The following EPS8 variants were observed in gnomAD, a reference collection of about 807,000 sequenced individuals.
EPS8 encodes the protein epidermal growth factor receptor kinase substrate 8.
Under a neutral mutation model 103.8 loss-of-function variants are expected in EPS8, and 42 were observed. That is an observed-to-expected ratio of 0.40 (90% CI 0.32 to 0.52). The LOEUF (loss-of-function observed/expected upper bound fraction) is 0.52. Among genes scored for constraint, EPS8 ranks in the 20% least tolerant of loss-of-function variants. The pLI is 0.40. For missense variants in EPS8, 969 were observed against 1,005.1 expected (o/e 0.96, Z 0.49); for synonymous variants, 344 against 344.6 (o/e 1.00, Z 0.02).
At chr12:15,680,778 G>A (rs1024390875) in intron 3 of EPS8, among the ~76,000 whole-genome samples, 1 of 151,890 alleles carries the variant, frequency 6.6e-6, no homozygotes, top group African/African-American at 2.4e-5. Flanking sequence ...GTAAGATCAG[G>A]GAAAAAGCAT....
Position 15,787,589 on chromosome 12 carries a change from G to T in EPS8, c.-22+1572C>A, listed in dbSNP as rs1285884993. Among the ~76,000 whole-genome samples, 2 of 152,134 alleles carry T rather than the reference G, an allele frequency of 1.3e-5. No homozygotes were observed. Among genetic ancestry groups the T allele is most frequent in the Non-Finnish European group, 2.9e-5 (2 of 68,000 alleles). On this transcript the variant is annotated intron_variant, in intron 1 of 20. Coordinates refer to ENST00000281172, the MANE Select transcript of EPS8 (RefSeq NM_004447.6). This position sits in a 1 kb window ranked among gnomAD's most constrained non-coding sequence, Gnocchi z 4.9. ...AAGTGAAAAAAATTACAAAGAGAATGCACCAAGTCTTGTAAACAGCGGTTA... is the reference window on the plus strand; with the variant it reads ...AAGTGAAAAAAATTACAAAGAGAATTCACCAAGTCTTGTAAACAGCGGTTA...
intron 7 of EPS8, 127 bp downstream of exon 7, chr12:15,666,313 G>A (rs539578857): frequency 1.9e-5 from 13 of 668,684 alleles, no homozygotes; most frequent in Admixed American, 6.4e-5. Flanking sequence ...AATGTGTTGA[G>A]ACTACAGGTT....
rs555433599 is a variant in EPS8 at position 15,688,806 on chromosome 12, CCT to C, written c.-21-5836_-21-5835del. 2.4e-4 allele frequency among the ~76,000 whole-genome samples: 37 copies of C among 152,274 alleles called. No individual in the cohort carries two copies. Among genetic ancestry groups the C allele is most frequent in the Middle Eastern group, 3.4e-3 (1 of 294 alleles). ...AATAACCCCAGGATACAGAAAACCCCCTGTCCTTGCAATAAGGTAGAGGATCT... is the reference window on the plus strand; with the variant it reads ...AATAACCCCAGGATACAGAAAACCCCGTCCTTGCAATAAGGTAGAGGATCT... On this transcript the variant is annotated intron_variant, in intron 1 of 20. Transcript: ENST00000281172. This position sits in a 1 kb window ranked among gnomAD's most constrained non-coding sequence, Gnocchi z 5.1.
At position 15,621,313 on chromosome 12, in the gene EPS8, C is replaced by A; in HGVS notation, c.*4G>T. The A allele has an allele frequency of 6.6e-7, 1 of 1,521,658 alleles. No homozygotes were observed. The highest frequency in any genetic ancestry group is 2.0e-5 in the Admixed American group (1 of 50,832). 94.3% of individuals were successfully genotyped at this position (1,521,658 alleles called of 1,614,324 possible). ...ACAATGGAGTTTAAATACAAACAAA[C>A]AAATTAGTGACTGCTTCCTTCATCA... On this transcript the variant is annotated 3_prime_UTR_variant, in exon 21 of 21. Transcript: ENST00000281172.
At chr12:15,676,729 G>A (rs1053267253) in intron 3 of EPS8, among the ~76,000 whole-genome samples, 67 of 152,312 alleles carry the variant, frequency 4.4e-4, no homozygotes, top group African/African-American at 1.5e-3. Flanking sequence ...AAATGTTACT[G>A]TTATAACTGG....
rs770899810 is a variant in EPS8, at chr12:15,733,967, TC to T, written c.-21-50996del. On this transcript the variant is annotated intron_variant, in intron 1 of 20. Transcript: ENST00000281172. The surrounding 1 kb of genome is among the most constrained non-coding windows in gnomAD (Gnocchi z 4.8). ...TTCACCTCCTGGACTCAAGTGATCC[TC>T]CCACCTCAGCCTCCCAAGTCAGTGA... Among the ~76,000 whole-genome samples the T allele has an allele frequency of 4.6e-4, 70 of 152,220 alleles. No homozygotes were observed. Among genetic ancestry groups the T allele is most frequent in the South Asian group, 1.0e-3 (5 of 4,802 alleles).
chr12:15,647,311 C>A (rs1945337267), intron 14 of EPS8, 51 bp from the exon 15 acceptor site: 3 of 1,542,070 alleles, frequency 1.9e-6, no homozygotes, highest in South Asian at 1.2e-5. Flanking sequence ...CTATTTGAAT[C>A]AGCACTCAGG....
intron 1 of EPS8, among the ~76,000 whole-genome samples, chr12:15,689,887 G>C (rs1276653479): frequency 6.6e-6 from 1 of 152,154 alleles, no homozygotes; most frequent in African/African-American, 2.4e-5. Context: ...GAAGGAGGTG[G>C]ACCAGGAGAA....
At chr12:15,737,575 T>C (rs553494342) in intron 1 of EPS8, among the ~76,000 whole-genome samples, 8 of 152,180 alleles carry the variant, frequency 5.3e-5, no homozygotes, top group Non-Finnish European at 8.8e-5. Flanking sequence ...GTTCTATTAT[T>C]ATCCTAAATT....
At chr12:15,707,469 C>T (rs1054500110) in intron 1 of EPS8, among the ~76,000 whole-genome samples, 1 of 151,942 alleles carries the variant, frequency 6.6e-6, no homozygotes, top group Non-Finnish European at 1.5e-5. Context: ...AACTACTCTC[C>T]TTACTATTTA....
At chr12:15,634,437 T>TA (rs1364583366) in intron 17 of EPS8, among the ~76,000 whole-genome samples, 2 of 152,210 alleles carry the variant, frequency 1.3e-5, no homozygotes, top group African/African-American at 4.8e-5. Context: ...TTTAGCAACT[T>TA]AAGCTGAGTA....
chr12:15,699,326 C>G (rs192486435), intron 1 of EPS8, among the ~76,000 whole-genome samples: 35 of 152,292 alleles, frequency 2.3e-4, no homozygotes, highest in Middle Eastern at 3.4e-3. Flanking sequence ...TAAATCCTGA[C>G]TAACATCTCT....
intron 1 of EPS8, among the ~76,000 whole-genome samples, chr12:15,742,464 A>G (rs910402108): frequency 2.0e-5 from 3 of 152,340 alleles, no homozygotes; most frequent in Admixed American, 2.0e-4. Context: ...ACAAAAAAAG[A>G]GAATTTTAGA....
Position 15,690,527 on chromosome 12 carries a change from A to G in EPS8, c.-21-7555T>C, listed in dbSNP as rs1260215946. Among the ~76,000 whole-genome samples, 1 of 152,126 alleles carries G rather than the reference A, an allele frequency of 6.6e-6. No homozygotes were observed. The highest frequency in any genetic ancestry group is 1.5e-5 in the Non-Finnish European group (1 of 68,022). ...TAATATTCTAACATTGATTGTTTTGATAAGGGAACACAGAGGTATTATATC... is the reference window on the plus strand; with the variant it reads ...TAATATTCTAACATTGATTGTTTTGGTAAGGGAACACAGAGGTATTATATC... On this transcript the variant is annotated intron_variant, in intron 1 of 20. Transcript: ENST00000281172. The surrounding 1 kb of genome is among the most constrained non-coding windows in gnomAD (Gnocchi z 4.7).
rs576654038 is a variant in EPS8, at chr12:15,665,836, G to A, written c.656C>T (p.Ala219Val). The change falls in exon 8 of 21, where the codon GCG (alanine) becomes GTG (valine). Residue 219 changes from alanine (A) to valine (V), a missense_variant. Physicochemically the swap from Ala to Val is moderately conservative, Grantham distance 64. Coordinates refer to ENST00000281172, the MANE Select transcript of EPS8 (RefSeq NM_004447.6). ...IPPPPRAPAP[A>V]PPGTVTQVDV... ...CACCTGGGTGACGGTCCCAGGGGGC[G>A]CAGGGGCAGGAGCTCTGGGTGGAGG... is the stretch of plus-strand genomic sequence containing the variant. 1.4e-5 allele frequency: 22 copies of A among 1,613,722 alleles called. No individual in the cohort carries two copies. The highest frequency in any genetic ancestry group is 8.8e-5 in the South Asian group (8 of 91,014).
At chr12:15,753,608 C>T (rs1344952946) in intron 1 of EPS8, among the ~76,000 whole-genome samples, 1 of 152,080 alleles carries the variant, frequency 6.6e-6, no homozygotes, top group East Asian at 1.9e-4. Flanking sequence ...TACAAAGTGG[C>T]TAAAAGATAA....
Position 15,693,475 on chromosome 12 carries a change from ACTCT to A in EPS8, c.-21-10507_-21-10504del. ...AATAAATCCTACTATTCTTAGCCTC[ACTCT>A]CACTGTTGAGTCAGTTGGAGGTTCT... On this transcript the variant is annotated intron_variant, in intron 1 of 20. Transcript: ENST00000281172. The surrounding 1 kb of genome is among the most constrained non-coding windows in gnomAD (Gnocchi z 5.6). Among the ~76,000 whole-genome samples, 1 of 152,142 alleles carries A rather than the reference ACTCT, an allele frequency of 6.6e-6. No individual in the cohort carries two copies. The highest frequency in any genetic ancestry group is 2.1e-4 in the South Asian group (1 of 4,816).
intron 8 of EPS8, 44 bp from the exon 9 acceptor site, chr12:15,662,143 C>A: frequency 6.4e-7 from 1 of 1,570,820 alleles, no homozygotes; most frequent in Non-Finnish European, 8.7e-7. Context: ...TTTACTCCCA[C>A]AATACCAATA....
In EPS8 at chr12:15,738,018, T is replaced by C. The variant is rs1305513981; in HGVS notation, c.-22+51143A>G. 6.6e-6 allele frequency among the ~76,000 whole-genome samples: 1 copy of C among 151,578 alleles called. No individual in the cohort carries two copies. Among genetic ancestry groups the C allele is most frequent in the South Asian group, 2.1e-4 (1 of 4,828 alleles). ...CAAACTTTAAAATTAGCTAAACAAA[T>C]AGTAAATGAGGGGAATTCGCTCTTC... On this transcript the variant is annotated intron_variant, in intron 1 of 20. Coordinates refer to ENST00000281172, the MANE Select transcript of EPS8 (RefSeq NM_004447.6). The surrounding 1 kb of genome is among the most constrained non-coding windows in gnomAD (Gnocchi z 6.2).
Sources: gnomAD v4.1 joint callset for allele counts (sites outside exome capture counted in the v4.1 genomes callset) on GRCh38, gnomAD v4.1.1 for gene constraint, Gnocchi (gnomAD v3.1) non-coding constraint, MANE v1.5 for transcripts, NCBI Gene and HGNC (gene_info 2026-07-23, HGNC 2026-07-21) for gene names.